The following CHRNB4 variants were observed in gnomAD, a reference collection of about 807,000 sequenced individuals.
The protein encoded by CHRNB4 is cholinergic receptor nicotinic beta 4 subunit, also known as neuronal acetylcholine receptor subunit beta-4.
In CHRNB4, 23 loss-of-function variants were observed where a neutral mutation model predicts 40.4. The observed-to-expected ratio is 0.57, with a 90% CI of 0.41 to 0.81. CHRNB4 has a LOEUF of 0.81. CHRNB4 is among the 30% of genes least tolerant of loss of function. The pLI, the probability that CHRNB4 is intolerant of heterozygous loss-of-function variation, is 0.00. For synonymous variants in CHRNB4, 285 were observed against 274.4 expected (o/e 1.04, Z -0.38); for missense variants, 568 against 670.6 (o/e 0.85, Z 1.69).
intron 2 of CHRNB4, 22 bp from the exon 3 acceptor site, chr15:78,631,354 T>C (rs72648896): frequency 1.9e-6 from 3 of 1,611,780 alleles, no homozygotes; most frequent in Non-Finnish European, 2.5e-6. Flanking sequence ...AACGGGGCTA[T>C]CAGTTCACCA....
intron 2 of CHRNB4, among the ~76,000 whole-genome samples, chr15:78,631,856 A>T (rs533180413): frequency 6.6e-6 from 1 of 152,190 alleles, no homozygotes; most frequent in South Asian, 2.1e-4. Context: ...CCAAAGTAAA[A>T]GCCAAAGTTC....
rs1336821727 is a variant in CHRNB4 at position 78,635,584 on chromosome 15, T to C, written c.59A>G (p.Asn20Ser). The C allele has an allele frequency of 1.2e-6, 2 of 1,613,848 alleles. No homozygotes were observed. The highest frequency in any genetic ancestry group is 1.7e-6 in the Non-Finnish European group (2 of 1,179,932). ...FFLVALCGRG[N>S]CRVANAEEKL... ...TTCCTCCGCATTGGCCACGCGGCAGTTCCCTGAGAAAACACACAGTCAGAC... is the reference window on the plus strand; with the variant it reads ...TTCCTCCGCATTGGCCACGCGGCAGCTCCCTGAGAAAACACACAGTCAGAC... The change falls in exon 2 of 6, where the codon AAC (asparagine) becomes AGC (serine). Residue 20 changes from asparagine to serine, a missense_variant. Around this residue, in one of 4 missense-constraint regions of CHRNB4, gnomAD observed 161 missense variants for 148.1 expected, o/e 1.09. Transcript: ENST00000261751.
intron 6 of CHRNB4, among the ~76,000 whole-genome samples, chr15:78,651,057 G>A (rs2054167770): frequency 6.6e-6 from 1 of 152,146 alleles, no homozygotes; most frequent in African/African-American, 2.4e-5. Context: ...AGGTCCAGTT[G>A]AAGGGTCAGT....
chr15:78,648,356 G>A (rs963699310), intron 7 of CHRNB4, among the ~76,000 whole-genome samples: 8 of 147,720 alleles, frequency 5.4e-5, no homozygotes, highest in Non-Finnish European at 1.2e-4. Context: ...TCACACCACT[G>A]CACTCCAGCC....
chr15:78,655,270 T>C (rs1443897148), intron 5 of CHRNB4, among the ~76,000 whole-genome samples: 1 of 151,450 alleles, frequency 6.6e-6, no homozygotes, highest in African/African-American at 2.4e-5. Flanking sequence ...TGCAGTGGCG[T>C]GATCATGGCT....
At chr15:78,648,854 C>G (rs984723949) in intron 7 of CHRNB4, among the ~76,000 whole-genome samples, 4 of 152,066 alleles carry the variant, frequency 2.6e-5, no homozygotes, top group African/African-American at 9.7e-5. Context: ...TCACTGCTCA[C>G]TGCTGCATCA....
intron 6 of CHRNB4, among the ~76,000 whole-genome samples, chr15:78,651,122 T>C (rs1427266715): frequency 6.6e-6 from 1 of 152,048 alleles, no homozygotes; most frequent in Non-Finnish European, 1.5e-5. Context: ...GAAAAACAGC[T>C]GAAGCAACCA....
At chr15:78,650,622 A>C (rs2054164295) in intron 6 of CHRNB4, among the ~76,000 whole-genome samples, 1 of 152,184 alleles carries the variant, frequency 6.6e-6, no homozygotes, top group Admixed American at 6.5e-5. Context: ...TTTATGTGTG[A>C]TTTGGAAGGC....
rs758726852 is a variant in CHRNB4, at chr15:78,631,178, G to A, written c.257C>T (p.Thr86Ile). Residue 86 changes from threonine to isoleucine, a missense_variant, in exon 4 of 6, where the codon ACT becomes ATT. Transcript: ENST00000261751. ...TTNVWLKQEW[T>I]DYRLTWNSSR... Reference sequence around the variant, plus strand: ...GCTGTTCCAGGTCAGGCGGTAATCAGTCCATTCCTGGACAGACAGGCAAGG... The same window carrying A: ...GCTGTTCCAGGTCAGGCGGTAATCAATCCATTCCTGGACAGACAGGCAAGG... 4 of 1,614,210 alleles carry A rather than the reference G, an allele frequency of 2.5e-6. No homozygotes were observed. The highest frequency in any genetic ancestry group is 3.4e-6 in the Non-Finnish European group (4 of 1,180,018).
Position 78,635,502 on chromosome 15 carries a change from G to A in CHRNB4, c.141C>T (p.Ala47=), listed in dbSNP as rs1375305220. 4 of 1,614,186 alleles carry A rather than the reference G, an allele frequency of 2.5e-6. No homozygotes were observed. Among genetic ancestry groups the A allele is most frequent in the South Asian group, 1.1e-5 (1 of 91,084 alleles). ...TGGAGATGAGCTGTGAGGAGCTGGTGGCTGGGCGGATCAGGTTATTGTAAC... is the reference window on the plus strand; with the variant it reads ...TGGAGATGAGCTGTGAGGAGCTGGTAGCTGGGCGGATCAGGTTATTGTAAC... ...KTRYNNLIRP[A]TSSSQLISIK... is the part of the protein sequence containing the mutation. Residue 47 remains alanine, a synonymous_variant, in exon 2 of 6, where the codon GCC becomes GCT. Coordinates refer to ENST00000261751, the MANE Select transcript of CHRNB4 (RefSeq NM_000750.5).
rs533534784 is a variant in CHRNB4, at chr15:78,659,466, C to A, written c.-851+1046G>T. ...GAAAAAGAAACATACAGGATAACTGCTGCTTGTGGTGGTGAAGGCTCTAGA... is the reference window on the plus strand; with the variant it reads ...GAAAAAGAAACATACAGGATAACTGATGCTTGTGGTGGTGAAGGCTCTAGA... On this transcript the variant is annotated intron_variant and NMD_transcript_variant, in intron 1 of 11. Coordinates refer to the CHRNB4 transcript ENST00000559849. Among the ~76,000 whole-genome samples the A allele has an allele frequency of 7.2e-4, 109 of 152,176 alleles. 2 individuals carry two copies. The South Asian group carries it at 0.022, about 31-fold the overall frequency.
intron 1 of CHRNB4, among the ~76,000 whole-genome samples, chr15:78,658,852 G>A (rs1596127305): frequency 6.6e-6 from 1 of 152,182 alleles, no homozygotes; most frequent in Non-Finnish European, 1.5e-5. Context: ...TCTAATTCAT[G>A]CATCTGAAGG....
intron 5 of CHRNB4, 38 bp downstream of exon 5, chr15:78,628,929 C>T (rs201030054): frequency 1.1e-5 from 17 of 1,577,862 alleles, no homozygotes; most frequent in Non-Finnish European, 6.0e-6. Flanking sequence ...TGAGCCCTTT[C>T]TGTTGGGCAG....
intron 1 of CHRNB4, among the ~76,000 whole-genome samples, chr15:78,640,671 G>A (rs748367813): frequency 1.5e-4 from 23 of 152,222 alleles, no homozygotes; most frequent in Non-Finnish European, 2.9e-4. Flanking sequence ...CACGCTTCAA[G>A]AAAGTCACCT....
At chr15:78,632,836 C>T (rs2053862524) in intron 2 of CHRNB4, among the ~76,000 whole-genome samples, 1 of 152,144 alleles carries the variant, frequency 6.6e-6, no homozygotes, top group South Asian at 2.1e-4. Flanking sequence ...GTAAGACCCT[C>T]CTAACTGGCC....
chr15:78,660,983 C>G, upstream of CHRNB4: 1 of 470,414 alleles, frequency 2.1e-6, no homozygotes, highest in East Asian at 4.8e-5. Flanking sequence ...ACATTTCTTT[C>G]TTTCCTCTCT....
intron 4 of CHRNB4, 181 bp downstream of exon 4, chr15:78,630,895 C>A (rs1241383135): frequency 5.1e-6 from 3 of 592,796 alleles, no homozygotes; most frequent in Non-Finnish European, 9.0e-6. Context: ...CTCCAACTCC[C>A]CATCTGTAAC....
At chr15:78,655,854 C>T (rs2054209521) in intron 4 of CHRNB4, among the ~76,000 whole-genome samples, 1 of 152,164 alleles carries the variant, frequency 6.6e-6, no homozygotes, top group Non-Finnish European at 1.5e-5. Flanking sequence ...AATTTTGTGT[C>T]TCCCAATACA....
chr15:78,630,085 G>C, intron 4 of CHRNB4, 140 bp from the exon 5 acceptor site: 1 of 969,178 alleles, frequency 1.0e-6, no homozygotes, highest in Non-Finnish European at 1.4e-6. Flanking sequence ...CTGAAAGGAG[G>C]GGTCTGCTTT....
Sources: allele counts gnomAD v4.1 joint callset (sites outside exome capture counted in the v4.1 genomes callset), GRCh38; gene constraint gnomAD v4.1.1; regional missense constraint gnomAD v4.1.1; transcripts MANE v1.5; gene names NCBI Gene and HGNC (gene_info 2026-07-23, HGNC 2026-07-21).